The following KCNQ1 variants were observed in gnomAD, a reference collection of about 807,000 sequenced individuals.
KCNQ1 encodes the protein potassium voltage-gated channel subfamily Q member 1, also known as potassium voltage-gated channel subfamily KQT member 1.
A neutral mutation model predicts 72.4 loss-of-function variants in KCNQ1; 49 were observed. The ratio of observed to expected loss-of-function variants is 0.68; its 90% confidence interval spans 0.54 to 0.86. The LOEUF (loss-of-function observed/expected upper bound fraction) is 0.86. Among genes scored for constraint, KCNQ1 ranks in the 40% least tolerant of loss-of-function variants. The pLI is 0.00. For synonymous variants in KCNQ1, 450 were observed against 412.6 expected, an observed-to-expected ratio of 1.09 and a Z score of -1.10; for missense variants, 790 against 945.1, an observed-to-expected ratio of 0.84 and a Z score of 2.15.
chr11:2,779,015 T>C (rs960968392), intron 15 of KCNQ1, among the ~76,000 whole-genome samples: 2 of 152,090 alleles, frequency 1.3e-5, no homozygotes, highest in Non-Finnish European at 1.5e-5. Flanking sequence ...GACCAGCAAA[T>C]TGGGTCATGC....
chr11:2,626,465 C>T lies in KCNQ1; in HGVS notation c.1394-35496C>T. On this transcript the variant is annotated intron_variant, in intron 10 of 15. Coordinates refer to ENST00000155840, the MANE Select transcript of KCNQ1 (RefSeq NM_000218.3). This position sits in a 1 kb window ranked among gnomAD's most constrained non-coding sequence, Gnocchi z 4.0. ...TATTTTTGGGCTCTCTATTCAATTC[C>T]ATTGGTCTCTACATCTTTATGTCAA... The T allele has an allele frequency of 2.5e-6, 1 of 398,582 alleles. No homozygotes were observed. The highest frequency in any genetic ancestry group is 4.4e-6 in the Non-Finnish European group (1 of 226,068). The allele number at this position is 398,582 out of a possible 1,614,324, so 24.7% of individuals were successfully genotyped here. A position where few individuals can be genotyped will look rare whatever the true frequency, so the allele number is the denominator to read the frequency against.
chr11:2,751,004 G>T (rs1287635394), intron 11 of KCNQ1, among the ~76,000 whole-genome samples: 1 of 152,166 alleles, frequency 6.6e-6, no homozygotes, highest in Non-Finnish European at 1.5e-5. Context: ...GGACAAAGAT[G>T]TATTTCTTCG....
Position 2,670,025 on chromosome 11 carries a change from G to T in KCNQ1, c.1514+7944G>T, listed in dbSNP as rs1850152346. On this transcript the variant is annotated intron_variant, in intron 11 of 15. Transcript: ENST00000155840. This position sits in a 1 kb window ranked among gnomAD's most constrained non-coding sequence, Gnocchi z 4.9. ...TCAGGAGCTGTTGGGGTCCCGTGGA[G>T]GTACAGGCGGAAACCTAGCACTCAC... The T allele has an allele frequency of 2.5e-6, 1 of 398,632 alleles. No individual in the cohort carries two copies. The highest frequency in any genetic ancestry group is 4.4e-5 in the Admixed American group (1 of 22,738). 24.7% of individuals were successfully genotyped at this position (398,632 alleles called of 1,614,324 possible).
Position 2,563,160 on chromosome 11 carries a change from A to G in KCNQ1, c.478-7468A>G, listed in dbSNP as rs761716406. Among the ~76,000 whole-genome samples the G allele has an allele frequency of 2.0e-5, 3 of 152,222 alleles. No individual in the cohort carries two copies. The highest frequency in any genetic ancestry group is 6.5e-5 in the Admixed American group (1 of 15,282). On this transcript the variant is annotated intron_variant, in intron 2 of 15. Coordinates refer to ENST00000155840, the MANE Select transcript of KCNQ1 (RefSeq NM_000218.3). This position sits in a 1 kb window ranked among gnomAD's most constrained non-coding sequence, Gnocchi z 7.4. ...TCCTAAATTATGTGGTTCCAGCAGC[A>G]TGGAACTTCAAAACACATTGAACCC...
At chr11:2,499,668 A>C (rs969566556) in intron 1 of KCNQ1, among the ~76,000 whole-genome samples, 1 of 152,204 alleles carries the variant, frequency 6.6e-6, no homozygotes, top group Non-Finnish European at 1.5e-5. Flanking sequence ...GAGTAGCTAT[A>C]CTTGTATTAG....
rs1280991852 is a variant in KCNQ1, at chr11:2,830,683, G to A, written c.1795-17084G>A. 1.3e-5 allele frequency among the ~76,000 whole-genome samples: 2 copies of A among 151,992 alleles called. No homozygotes were observed. The highest frequency in any genetic ancestry group is 2.9e-5 in the Non-Finnish European group (2 of 67,954). On this transcript the variant is annotated intron_variant, in intron 15 of 15. Coordinates refer to ENST00000155840, the MANE Select transcript of KCNQ1 (RefSeq NM_000218.3). The surrounding 1 kb of genome is among the most constrained non-coding windows in gnomAD (Gnocchi z 7.7). ...CTTCCCACCCTTCCACTCACCTTCC[G>A]AGCATTGTGGGCCTTCCCAGGAACC...
chr11:2,717,269 A>G (rs1851108687), intron 11 of KCNQ1, among the ~76,000 whole-genome samples: 1 of 152,208 alleles, frequency 6.6e-6, no homozygotes, highest in African/African-American at 2.4e-5. Context: ...GTTGGGGAGC[A>G]GGAATCACAA....
At chr11:2,666,059 A>C (rs748422546) in intron 11 of KCNQ1, 39 of 398,528 alleles carry the variant, frequency 9.8e-5, no homozygotes, top group Non-Finnish European at 1.6e-4. Flanking sequence ...CCAAGAGGAC[A>C]GGCCCATAAG....
In KCNQ1 at chr11:2,599,384, A is replaced by G. The variant is rs1429127979; in HGVS notation, c.1393+10530A>G. ...CTAATTGAATTTTATTTCTATTTCAATTCTATTCTAAAATTTATAATCTCT... is the reference window on the plus strand; with the variant it reads ...CTAATTGAATTTTATTTCTATTTCAGTTCTATTCTAAAATTTATAATCTCT... On this transcript the variant is annotated intron_variant, in intron 10 of 15. Coordinates refer to ENST00000155840, the MANE Select transcript of KCNQ1 (RefSeq NM_000218.3). This position sits in a 1 kb window ranked among gnomAD's most constrained non-coding sequence, Gnocchi z 4.7. 6.6e-6 allele frequency among the ~76,000 whole-genome samples: 1 copy of G among 152,108 alleles called. No homozygotes were observed. The highest frequency in any genetic ancestry group is 1.5e-5 in the Non-Finnish European group (1 of 68,018).
rs541248143 is a variant in KCNQ1 at position 2,494,756 on chromosome 11, A to G, written c.387-33172A>G. ...ATTCAGTTTGCCAGTATTTTATTGA[A>G]GATTTTTGCATCGGTGCTCATCAGG... is the stretch of plus-strand genomic sequence containing the variant. On this transcript the variant is annotated intron_variant, in intron 1 of 15. Coordinates refer to ENST00000155840, the MANE Select transcript of KCNQ1 (RefSeq NM_000218.3). This position sits in a 1 kb window ranked among gnomAD's most constrained non-coding sequence, Gnocchi z 4.6. Among the ~76,000 whole-genome samples, 54 of 152,272 alleles carry G rather than the reference A, an allele frequency of 3.5e-4. No individual in the cohort carries two copies. The highest frequency in any genetic ancestry group is 1.1e-3 in the African/African-American group (45 of 41,562).
Position 2,613,284 on chromosome 11 carries a change from A to C in KCNQ1, c.1393+24430A>C, listed in dbSNP as rs1477905796. 1.5e-5 allele frequency: 6 copies of C among 398,480 alleles called. No individual in the cohort carries two copies. Among genetic ancestry groups the C allele is most frequent in the Non-Finnish European group, 2.7e-5 (6 of 226,072 alleles). The allele number at this position is 398,480 out of a possible 1,614,324, so 24.7% of individuals were successfully genotyped here. A position where few individuals can be genotyped will look rare whatever the true frequency, so the allele number is the denominator to read the frequency against. ...AACCTCTCTGATCTCTCCTGCAAGC[A>C]TGTACAACTTCCATATCTCCAGAAT... On this transcript the variant is annotated intron_variant, in intron 10 of 15. Transcript: ENST00000155840. The surrounding 1 kb of genome is among the most constrained non-coding windows in gnomAD (Gnocchi z 4.8).
intron 2 of KCNQ1, among the ~76,000 whole-genome samples, chr11:2,534,085 G>C (rs1847687900): frequency 6.6e-6 from 1 of 151,778 alleles, no homozygotes; most frequent in African/African-American, 2.4e-5. Context: ...TCAGCACACA[G>C]CGAGGCCTCA....
In KCNQ1 at chr11:2,664,084, G is replaced by T. The variant is rs1468591028; in HGVS notation, c.1514+2003G>T. 2.5e-6 allele frequency: 1 copy of T among 398,620 alleles called. No homozygotes were observed. The highest frequency in any genetic ancestry group is 4.4e-6 in the Non-Finnish European group (1 of 226,178). 24.7% of individuals were successfully genotyped at this position (398,620 alleles called of 1,614,324 possible). A position where few individuals can be genotyped will look rare whatever the true frequency, so the allele number is the denominator to read the frequency against. On this transcript the variant is annotated intron_variant, in intron 11 of 15. Transcript: ENST00000155840. The surrounding 1 kb of genome is among the most constrained non-coding windows in gnomAD (Gnocchi z 5.1). ...TCCAGTGATAAGTGGGCCCAGGCAG[G>T]TCAGAGACTCCAGTCATTACCCAAC...
chr11:2,767,620 T>C lies in KCNQ1; in HGVS notation c.1515-1224T>C, dbSNP rs1049915307. On this transcript the variant is annotated intron_variant, in intron 11 of 15. Coordinates refer to ENST00000155840, the MANE Select transcript of KCNQ1 (RefSeq NM_000218.3). The surrounding 1 kb of genome is among the most constrained non-coding windows in gnomAD (Gnocchi z 4.6). ...CAAAGCACCTTACTCCAGTAGGGGA[T>C]TGAGAGAGGTGGGGTTAATGTGATG... is the stretch of plus-strand genomic sequence containing the variant. Among the ~76,000 whole-genome samples, 9 of 152,338 alleles carry C rather than the reference T, an allele frequency of 5.9e-5. No homozygotes were observed. The highest frequency in any genetic ancestry group is 1.9e-4 in the African/African-American group (8 of 41,582).
chr11:2,702,510 T>C (rs1850832917), intron 11 of KCNQ1, among the ~76,000 whole-genome samples: 1 of 152,234 alleles, frequency 6.6e-6, no homozygotes, highest in Non-Finnish European at 1.5e-5. Context: ...TGTAAAGTCA[T>C]GAAAATTGAG....
chr11:2,643,857 T>G, intron 10 of KCNQ1: 2 of 398,602 alleles, frequency 5.0e-6, no homozygotes, highest in Admixed American at 8.8e-5. Context: ...AATATAACTT[T>G]GCTAAGTACA....
At chr11:2,577,110 C>T (rs1419504116) in intron 6 of KCNQ1, among the ~76,000 whole-genome samples, 1 of 152,246 alleles carries the variant, frequency 6.6e-6, no homozygotes, top group East Asian at 1.9e-4. Context: ...GGAGACTTTC[C>T]CTGGACCGAA....
intron 10 of KCNQ1, chr11:2,650,532 A>T (rs115222467): frequency 5.0e-6 from 2 of 398,676 alleles, no homozygotes; most frequent in East Asian, 3.6e-5. Context: ...CATCAGTGGT[A>T]TCTGCAAGTT....
rs1554925306 is a variant in KCNQ1 at position 2,803,162 on chromosome 11, C to CTG, written c.1794+25125_1794+25126insTG. Among the ~76,000 whole-genome samples, 6 of 102,264 alleles carry CTG rather than the reference C, an allele frequency of 5.9e-5. No individual in the cohort carries two copies. The highest frequency in any genetic ancestry group is 9.4e-5 in the Non-Finnish European group (5 of 53,360). The allele number at this position is 102,264 out of a possible 152,430, so 67.1% of individuals were successfully genotyped here. ...CCAGAAAACCCAGCCGGGCCCCCCC[C>CTG]CCCACGGGCACCCAGGAACCGCCCT... On this transcript the variant is annotated intron_variant, in intron 15 of 15. Coordinates refer to ENST00000155840, the MANE Select transcript of KCNQ1 (RefSeq NM_000218.3). This position sits in a 1 kb window ranked among gnomAD's most constrained non-coding sequence, Gnocchi z 6.4.
Sources: allele counts gnomAD v4.1 joint callset (sites outside exome capture counted in the v4.1 genomes callset), GRCh38; gene constraint gnomAD v4.1.1; non-coding constraint Gnocchi (gnomAD v3.1); transcripts MANE v1.5; gene names NCBI Gene and HGNC (gene_info 2026-07-23, HGNC 2026-07-21).